The following SPAG16 variants were observed in gnomAD, a reference collection of about 807,000 sequenced individuals.
SPAG16 encodes the protein sperm associated antigen 16, also known as sperm-associated antigen 16 protein.
In SPAG16, 86 loss-of-function variants were observed where a neutral mutation model predicts 80.4. The observed-to-expected ratio is 1.07, with a 90% CI of 0.90 to 1.28. The LOEUF is 1.28. Ranked by LOEUF, SPAG16 falls within the 50% of genes most tolerant of loss-of-function variation. SPAG16 has a pLI of 0.00. For synonymous variants in SPAG16, 294 were observed against 265.9 expected (o/e 1.11, Z -1.03); for missense variants, 870 against 765.3 (o/e 1.14, Z -1.61).
At chr2:214,277,556 G>A (rs1692564855) in intron 15 of SPAG16, among the ~76,000 whole-genome samples, 1 of 152,168 alleles carries the variant, frequency 6.6e-6, no homozygotes, top group Non-Finnish European at 1.5e-5. Context: ...TCAGCTGCAG[G>A]TCTGTTGGAG....
intron 15 of SPAG16, among the ~76,000 whole-genome samples, chr2:214,218,417 G>A (rs1048611565): frequency 6.6e-6 from 1 of 152,214 alleles, no homozygotes; most frequent in Middle Eastern, 3.4e-3. Context: ...AAAACTTGAC[G>A]GAAAAATACT....
intron 9 of SPAG16, among the ~76,000 whole-genome samples, chr2:213,479,037 C>A (rs1028164121): frequency 1.1e-4 from 17 of 148,288 alleles, no homozygotes; most frequent in African/African-American, 4.2e-4. Context: ...AAAATTTATT[C>A]TAGTTCACCT....
chr2:213,325,862 C>G (rs2063818648), intron 5 of SPAG16, among the ~76,000 whole-genome samples: 1 of 151,880 alleles, frequency 6.6e-6, no homozygotes, highest in Admixed American at 6.6e-5. Flanking sequence ...GTTCACTATA[C>G]CCACGGGGCC....
At chr2:213,584,903 A>G (rs1012358817) in intron 10 of SPAG16, among the ~76,000 whole-genome samples, 11 of 152,130 alleles carry the variant, frequency 7.2e-5, no homozygotes, top group South Asian at 2.1e-4. Flanking sequence ...AATGTCTTGA[A>G]TGAGGCCCAG....
intron 10 of SPAG16, among the ~76,000 whole-genome samples, chr2:213,797,925 C>T (rs2071146747): frequency 6.6e-6 from 1 of 152,184 alleles, no homozygotes; most frequent in Admixed American, 6.5e-5. Flanking sequence ...TAGCATTTTG[C>T]ATTCCTTTCA....
chr2:214,205,905 T>C (rs916397961), intron 15 of SPAG16, among the ~76,000 whole-genome samples: 5 of 152,072 alleles, frequency 3.3e-5, no homozygotes, highest in African/African-American at 1.2e-4. Context: ...CAACAAATTA[T>C]TGATAACTGG....
chr2:214,315,506 TTTATTTATTTATTTA>T (rs1695621224), intron 15 of SPAG16, among the ~76,000 whole-genome samples: 2 of 27,526 alleles, frequency 7.3e-5, no homozygotes, highest in Non-Finnish European at 1.2e-4. Context: ...ATCTTTTTTA[TTTATTTATTTATTTA>T]TTTATTTATT....
At chr2:213,655,525 G>A (rs1332931411) in intron 10 of SPAG16, among the ~76,000 whole-genome samples, 1 of 152,194 alleles carries the variant, frequency 6.6e-6, no homozygotes, top group African/African-American at 2.4e-5. Flanking sequence ...TAAAACACAT[G>A]TTGGGGTGGT....
At chr2:213,603,932 T>G (rs1303667034) in intron 10 of SPAG16, among the ~76,000 whole-genome samples, 5 of 151,870 alleles carry the variant, frequency 3.3e-5, no homozygotes, top group African/African-American at 9.7e-5. Context: ...CTGGTTTTTT[T>G]TTTTTTTTTG....
At chr2:213,935,201 CAAA>C (rs397872306) in intron 12 of SPAG16, among the ~76,000 whole-genome samples, 5,508 of 102,690 alleles carry the variant, frequency 0.054, 118 homozygotes, top group South Asian at 0.13. Context: ...GACTCCATCT[CAAA>C]AAAAAAAAAA....
chr2:213,513,079 G>T (rs932018091), intron 10 of SPAG16, among the ~76,000 whole-genome samples: 3 of 152,148 alleles, frequency 2.0e-5, no homozygotes, highest in Admixed American at 2.0e-4. Flanking sequence ...ATGTCATGCT[G>T]TCTGTTCTAT....
intron 12 of SPAG16, among the ~76,000 whole-genome samples, chr2:213,989,169 A>G (rs1238555145): frequency 6.6e-6 from 1 of 152,128 alleles, no homozygotes; most frequent in Non-Finnish European, 1.5e-5. Context: ...AATAAGAATG[A>G]TTCTCCAATT....
chr2:213,395,991 A>C (rs999541869), intron 9 of SPAG16, among the ~76,000 whole-genome samples: 3 of 151,894 alleles, frequency 2.0e-5, no homozygotes, highest in Non-Finnish European at 4.4e-5. Context: ...TTATTTAACT[A>C]GTTTCCATGC....
intron 11 of SPAG16, among the ~76,000 whole-genome samples, chr2:213,920,562 C>T (rs1381176858): frequency 6.6e-6 from 1 of 152,142 alleles, no homozygotes; most frequent in Admixed American, 6.5e-5. Context: ...CCCCATTGGA[C>T]CTCTCTGCCA....
At chr2:214,038,717 G>T (rs1479939314) in intron 13 of SPAG16, among the ~76,000 whole-genome samples, 2 of 122,190 alleles carry the variant, frequency 1.6e-5, no homozygotes, top group Non-Finnish European at 3.2e-5. Context: ...AACAAGCCCT[G>T]GTGTGTGATG....
intron 10 of SPAG16, among the ~76,000 whole-genome samples, chr2:213,554,231 G>A (rs2059354085): frequency 1.3e-5 from 2 of 152,098 alleles, no homozygotes; most frequent in African/African-American, 4.8e-5. Flanking sequence ...ATACAGTGTT[G>A]GTTGCTGAGG....
At chr2:214,383,430 G>A (rs568960012) in intron 15 of SPAG16, among the ~76,000 whole-genome samples, 95 of 151,992 alleles carry the variant, frequency 6.3e-4, no homozygotes, top group South Asian at 4.8e-3. Flanking sequence ...AAAATTAGCC[G>A]GGCATGGTGG....
intron 10 of SPAG16, among the ~76,000 whole-genome samples, chr2:213,785,151 A>G (rs1239072959): frequency 2.0e-5 from 3 of 152,204 alleles, no homozygotes; most frequent in Non-Finnish European, 2.9e-5. Context: ...CTCTCAGGTA[A>G]CCATCGTTAG....
intron 9 of SPAG16, among the ~76,000 whole-genome samples, chr2:213,440,132 A>G (rs965106838): frequency 6.6e-6 from 1 of 152,170 alleles, no homozygotes; most frequent in Non-Finnish European, 1.5e-5. Context: ...TGTTGTTAGC[A>G]AGCTTGCCCT....
Sources: gnomAD v4.1 joint callset for allele counts (sites outside exome capture counted in the v4.1 genomes callset) on GRCh38, gnomAD v4.1.1 for gene constraint, MANE v1.5 for transcripts, NCBI Gene and HGNC (gene_info 2026-07-23, HGNC 2026-07-21) for gene names.